SLC39A12: variants seen among roughly 807,000 people sequenced by gnomAD.
SLC39A12 encodes the protein solute carrier family 39 member 12.
SLC39A12 carries 63 observed loss-of-function variants against 71.1 expected under a neutral mutation model. That is an observed-to-expected ratio of 0.89 (90% CI 0.72 to 1.09). SLC39A12 has a LOEUF of 1.09. SLC39A12 is among the 50% of genes least tolerant of loss of function. SLC39A12 has a pLI of 0.00. For synonymous variants in SLC39A12, 351 were observed against 301.3 expected, an observed-to-expected ratio of 1.16 and a Z score of -1.71; for missense variants, 892 against 812.6, an observed-to-expected ratio of 1.10 and a Z score of -1.19.
chr10:18,038,755 T>C (rs1217480841), intron 12 of SLC39A12, among the ~76,000 whole-genome samples: 1 of 152,218 alleles, frequency 6.6e-6, no homozygotes, highest in Non-Finnish European at 1.5e-5. Context: ...ATTTACAAGA[T>C]ATTAATTCTA....
chr10:18,036,305 G>C (rs531903030), intron 12 of SLC39A12, among the ~76,000 whole-genome samples: 1 of 152,136 alleles, frequency 6.6e-6, no homozygotes, highest in East Asian at 1.9e-4. Context: ...GTGAGACTCC[G>C]TGGGCGTAGG....
At chr10:17,961,053 C>T (rs1247580797) in intron 2 of SLC39A12, among the ~76,000 whole-genome samples, 2 of 152,022 alleles carry the variant, frequency 1.3e-5, no homozygotes, top group African/African-American at 4.8e-5. Context: ...GGTTGGGAAT[C>T]TTTAGGAAGG....
chr10:17,983,156 G>A (rs1248783331), intron 6 of SLC39A12, among the ~76,000 whole-genome samples: 7 of 107,426 alleles, frequency 6.5e-5, no homozygotes, highest in Admixed American at 4.3e-4. Flanking sequence ...GCGACAAAGC[G>A]AGACTCCATC....
At chr10:17,979,556 A>G (rs1318259074) in intron 5 of SLC39A12, among the ~76,000 whole-genome samples, 2 of 152,212 alleles carry the variant, frequency 1.3e-5, no homozygotes, top group Admixed American at 1.3e-4. Flanking sequence ...TGATGAAATA[A>G]TTACATTCTG....
At chr10:18,005,488 T>C (rs1835987577) in intron 12 of SLC39A12, 1 of 152,268 alleles carries the variant, frequency 6.6e-6, no homozygotes, top group Non-Finnish European at 1.5e-5. Flanking sequence ...CTAATTTCTC[T>C]TTATGGGTCA....
intron 12 of SLC39A12, among the ~76,000 whole-genome samples, chr10:18,039,599 G>T (rs190614690): frequency 6.6e-6 from 1 of 152,052 alleles, no homozygotes; most frequent in Non-Finnish European, 1.5e-5. Context: ...AGGGTAGTAT[G>T]CACCTGCAGT....
chr10:17,996,921 C>T (rs1392531818), intron 10 of SLC39A12, among the ~76,000 whole-genome samples: 1 of 149,702 alleles, frequency 6.7e-6, no homozygotes, highest in African/African-American at 2.4e-5. Flanking sequence ...TGGCGTGAAC[C>T]CGGGAGGCGG....
rs1339220664 is a variant in SLC39A12, at chr10:18,003,416, A to G, written c.1947+58A>G. On this transcript the variant is annotated intron_variant, in intron 12 of 12. Coordinates refer to ENST00000377369, the MANE Select transcript of SLC39A12 (RefSeq NM_001145195.2). ...TAAGCACTGAAAATGTAAAACAGAG[A>G]AAAAAAACAGTAAAAATGGAAGGAT... 52 of 1,445,182 alleles carry G rather than the reference A, an allele frequency of 3.6e-5. No individual in the cohort carries two copies. The South Asian group carries it at 5.0e-4, about 14-fold the overall frequency. 89.5% of individuals were successfully genotyped at this position (1,445,182 alleles called of 1,614,324 possible).
rs530343260 is a variant in SLC39A12 at position 17,965,387 on chromosome 10, C to T, written c.544-96C>T. On this transcript the variant is annotated intron_variant, in intron 3 of 12. Coordinates refer to ENST00000377369, the MANE Select transcript of SLC39A12 (RefSeq NM_001145195.2). ...ATGATTCAATTTTCTTTTAGAAAAA[C>T]AATTCCTTATCCCTTTAGGGGGAAA... The T allele has an allele frequency of 9.2e-4, 972 of 1,055,654 alleles. 18 individuals are homozygous for T. The South Asian group carries it at 0.014, about 15-fold the overall frequency. 65.4% of individuals were successfully genotyped at this position (1,055,654 alleles called of 1,614,324 possible).
intron 10 of SLC39A12, 21 bp downstream of exon 10, chr10:17,995,743 T>TCC: frequency 6.2e-7 from 1 of 1,602,088 alleles, no homozygotes; most frequent in Non-Finnish European, 8.5e-7. Context: ...AGCTAAACTT[T>TCC]ACATGTGGAA....
intron 5 of SLC39A12, among the ~76,000 whole-genome samples, chr10:17,980,145 C>T (rs966823772): frequency 4.6e-5 from 7 of 152,030 alleles, no homozygotes; most frequent in Non-Finnish European, 8.8e-5. Context: ...TCTTTGAGAC[C>T]ATCTGTGCCT....
chr10:17,953,564 A>G (rs782570036), intron 2 of SLC39A12, 27 bp downstream of exon 2: 2 of 1,610,654 alleles, frequency 1.2e-6, no homozygotes, highest in South Asian at 2.2e-5. Context: ...GGGGTCAGGT[A>G]TCAGGGCATG....
chr10:18,021,550 A>G (rs1398091686), intron 12 of SLC39A12, among the ~76,000 whole-genome samples: 3 of 152,040 alleles, frequency 2.0e-5, no homozygotes, highest in Non-Finnish European at 4.4e-5. Context: ...GAAAGCATAC[A>G]TTTAGGTCTT....
intron 3 of SLC39A12, among the ~76,000 whole-genome samples, chr10:17,963,638 A>T (rs1427912957): frequency 2.6e-5 from 4 of 152,268 alleles, no homozygotes; most frequent in African/African-American, 7.2e-5. Context: ...CTGGACTAGG[A>T]TTCTCTAGGA....
chr10:17,996,902 G>A lies in SLC39A12; in HGVS notation c.1600+1180G>A, dbSNP rs189105868. Among the ~76,000 whole-genome samples, 866 of 152,028 alleles carry A rather than the reference G, an allele frequency of 5.7e-3. 4 individuals are homozygous for A. The highest frequency in any genetic ancestry group is 0.014 in the Middle Eastern group (4 of 290). ...AGTCCCAGCTACTCGGGAGACTGAG[G>A]CAGGAGAATGGCGTGAACCCGGGAG... On this transcript the variant is annotated intron_variant, in intron 10 of 12. Transcript: ENST00000377369.
chr10:18,034,149 T>C (rs1403076075), intron 12 of SLC39A12, among the ~76,000 whole-genome samples: 1 of 152,202 alleles, frequency 6.6e-6, no homozygotes, highest in Non-Finnish European at 1.5e-5. Flanking sequence ...TGGAGGGTTC[T>C]GTAGATGTCT....
chr10:18,040,365 T>C (rs2130910464), intron 12 of SLC39A12, among the ~76,000 whole-genome samples: 1 of 152,290 alleles, frequency 6.6e-6, no homozygotes, highest in Non-Finnish European at 1.5e-5. Flanking sequence ...CATGCCGGGA[T>C]GTGAGATGGC....
At chr10:17,958,841 A>C (rs944956329) in intron 2 of SLC39A12, among the ~76,000 whole-genome samples, 1 of 152,240 alleles carries the variant, frequency 6.6e-6, no homozygotes. Context: ...TATTATAAAA[A>C]TCAAATATTT....
chr10:17,995,725 G>T lies in SLC39A12; in HGVS notation c.1600+3G>T, dbSNP rs1006468474. ...TATGACAGCCTCCAACAGAAAATGT[G>T]AGTACCAAGCTAAACTTTACATGTG... On this transcript the variant is annotated splice_donor_region_variant and intron_variant, in intron 10 of 12. Coordinates refer to ENST00000377369, the MANE Select transcript of SLC39A12 (RefSeq NM_001145195.2). 1.2e-6 allele frequency: 2 copies of T among 1,611,950 alleles called. No individual in the cohort carries two copies. The highest frequency in any genetic ancestry group is 1.7e-6 in the Non-Finnish European group (2 of 1,179,054).
Sources: gnomAD v4.1 joint callset for allele counts (sites outside exome capture counted in the v4.1 genomes callset) on GRCh38, gnomAD v4.1.1 for gene constraint, MANE v1.5 for transcripts, NCBI Gene and HGNC (gene_info 2026-07-23, HGNC 2026-07-21) for gene names.